The following TPP2 variants were observed in gnomAD, a reference collection of about 807,000 sequenced individuals.
TPP2 encodes the protein tripeptidyl peptidase 2, also known as tripeptidyl-peptidase 2.
In TPP2, 34 loss-of-function variants were observed where a neutral mutation model predicts 155.9. That is an observed-to-expected ratio of 0.22 (90% CI 0.17 to 0.29). The LOEUF is 0.29. Among genes scored for constraint, TPP2 ranks in the 10% least tolerant of loss-of-function variants. The pLI is 1.00. For synonymous variants in TPP2, 510 were observed against 529.4 expected (o/e 0.96, Z 0.50); for missense variants, 1,028 against 1,522.3 (o/e 0.68, Z 5.40).
chr13:102,638,169 G>C lies in TPP2; in HGVS notation c.1837-70G>C, dbSNP rs1283830129. 6 of 1,421,124 alleles carry C rather than the reference G, an allele frequency of 4.2e-6. No homozygotes were observed. In the Admixed American group the frequency reaches 1.0e-4, roughly 24 times the overall value. The allele number at this position is 1,421,124 out of a possible 1,614,324, so 88.0% of individuals were successfully genotyped here. A position where few individuals can be genotyped will look rare whatever the true frequency, so the allele number is the denominator to read the frequency against. ...AGTAGATTGATTTATTCTGTCAGTA[G>C]TTTAGACCTTCCCCCGCTCTTTTAA... On this transcript the variant is annotated intron_variant, in intron 14 of 29. Coordinates refer to ENST00000376052, the MANE Select transcript of TPP2 (RefSeq NM_001330588.2).
intron 5 of TPP2, among the ~76,000 whole-genome samples, chr13:102,621,620 A>G (rs183860766): frequency 6.6e-6 from 1 of 152,238 alleles, no homozygotes; most frequent in East Asian, 1.9e-4. Context: ...TGGAGTTTCA[A>G]TGTTAAGAGC....
At chr13:102,616,335 T>C in intron 3 of TPP2, 61 bp from the exon 4 acceptor site, 1 of 1,324,724 alleles carries the variant, frequency 7.5e-7, no homozygotes. Flanking sequence ...TATAAATGCC[T>C]GTCTAGGTTT....
chr13:102,666,221 A>G (rs927957729), intron 27 of TPP2, among the ~76,000 whole-genome samples: 2 of 152,256 alleles, frequency 1.3e-5, no homozygotes, highest in South Asian at 4.1e-4. Context: ...GACTTGGCCC[A>G]GGTGCCACTG....
At chr13:102,641,592 G>C (rs1327844691) in intron 16 of TPP2, among the ~76,000 whole-genome samples, 1 of 151,976 alleles carries the variant, frequency 6.6e-6, no homozygotes, top group African/African-American at 2.4e-5. Flanking sequence ...GGTTGTATTT[G>C]GTTCCCCATA....
At chr13:102,622,599 G>A (rs943593002) in intron 5 of TPP2, among the ~76,000 whole-genome samples, 9 of 152,216 alleles carry the variant, frequency 5.9e-5, no homozygotes, top group Non-Finnish European at 1.3e-4. Flanking sequence ...AGTTTTAGCT[G>A]TAATTCTTAA....
chr13:102,654,322 TTAAC>T (rs2139563820), intron 24 of TPP2, among the ~76,000 whole-genome samples: 1 of 152,290 alleles, frequency 6.6e-6, no homozygotes, highest in African/African-American at 2.4e-5. Context: ...TTTGATATAT[TTAAC>T]ATGTAAAATG....
intron 1 of TPP2, among the ~76,000 whole-genome samples, chr13:102,599,936 A>G (rs1359283049): frequency 2.0e-5 from 3 of 151,496 alleles, no homozygotes; most frequent in Non-Finnish European, 4.4e-5. Flanking sequence ...CCCTTCCACC[A>G]GTCTTGTTTC....
In TPP2 at chr13:102,597,008, T is replaced by G; in HGVS notation, c.-31T>G. 1 of 1,605,046 alleles carries G rather than the reference T, an allele frequency of 6.2e-7. No homozygotes were observed. The highest frequency in any genetic ancestry group is 8.5e-7 in the Non-Finnish European group (1 of 1,176,290). Reference sequence around the variant, plus strand: ...GCTAGTCCGCGCGCAGCCTGGCAGTTTGCCGCTTCCTCGTCCTCCATCCTG... The same window carrying G: ...GCTAGTCCGCGCGCAGCCTGGCAGTGTGCCGCTTCCTCGTCCTCCATCCTG... On this transcript the variant is annotated 5_prime_UTR_variant, in exon 1 of 30. Transcript: ENST00000376052.
intron 23 of TPP2, among the ~76,000 whole-genome samples, chr13:102,651,049 T>G (rs1883451570): frequency 6.6e-6 from 1 of 152,238 alleles, no homozygotes. Flanking sequence ...TTAATCAGAC[T>G]AGACCATCAA....
intron 6 of TPP2, among the ~76,000 whole-genome samples, chr13:102,623,458 G>T (rs1383765046): frequency 6.6e-6 from 1 of 152,178 alleles, no homozygotes; most frequent in East Asian, 1.9e-4. Context: ...AGCTACTCGG[G>T]AGGCTGAGGC....
chr13:102,654,015 A>G (rs1883680759), intron 24 of TPP2, among the ~76,000 whole-genome samples: 1 of 152,172 alleles, frequency 6.6e-6, no homozygotes, highest in South Asian at 2.1e-4. Flanking sequence ...TCTTCATAGC[A>G]TTTCTGCTCT....
intron 27 of TPP2, among the ~76,000 whole-genome samples, chr13:102,670,355 A>G (rs538256194): frequency 8.9e-4 from 135 of 152,318 alleles, no homozygotes; most frequent in African/African-American, 3.1e-3. Context: ...AGGACTTCCG[A>G]TGACATCACG....
Position 102,643,299 on chromosome 13 carries a change from G to T in TPP2, c.2098G>T (p.Ala700Ser). 6.2e-7 allele frequency: 1 copy of T among 1,613,332 alleles called. No homozygotes were observed. Among genetic ancestry groups the T allele is most frequent in the South Asian group, 1.1e-5 (1 of 90,976 alleles). Residue 700 changes from alanine to serine, a missense_variant, in exon 17 of 30, where the codon GCA becomes TCA. This residue lies in a region of TPP2 where 325 missense variants were observed against 463.7 expected (regional missense o/e 0.70). Transcript: ENST00000376052. ...TGCAGTCCAGCTTGTGAAGCAAAGA[G>T]CATATCGAAGCCATGAATTCTATAA... is the stretch of plus-strand genomic sequence containing the variant. ...LHAVQLVKQR[A>S]YRSHEFYKFC...
At chr13:102,619,313 C>G (rs1880978893) in intron 5 of TPP2, among the ~76,000 whole-genome samples, 1 of 151,854 alleles carries the variant, frequency 6.6e-6, no homozygotes, top group Non-Finnish European at 1.5e-5. Context: ...TTTTTAGTGC[C>G]TTATATACTG....
At chr13:102,635,940 G>A (rs61965651) in intron 12 of TPP2, among the ~76,000 whole-genome samples, 2,743 of 152,182 alleles carry the variant, frequency 0.018, 36 homozygotes, top group Middle Eastern at 0.037. Context: ...GAAATTCAAA[G>A]AAATCGAGGT....
intron 10 of TPP2, among the ~76,000 whole-genome samples, chr13:102,632,259 T>C (rs1882066961): frequency 6.6e-6 from 1 of 152,110 alleles, no homozygotes. Flanking sequence ...TTTTTTTCTT[T>C]CCTGAAACAG....
intron 25 of TPP2, among the ~76,000 whole-genome samples, chr13:102,662,862 C>T (rs954402503): frequency 5.9e-5 from 9 of 151,972 alleles, no homozygotes; most frequent in Admixed American, 2.0e-4. Context: ...GCCTCCGCGT[C>T]GGGGAACATA....
chr13:102,600,855 A>G (rs111518620), intron 1 of TPP2, among the ~76,000 whole-genome samples: 6 of 150,548 alleles, frequency 4.0e-5, no homozygotes, highest in African/African-American at 1.2e-4. Flanking sequence ...ATGTTTTTGT[A>G]TGCTTTCATA....
At chr13:102,623,935 G>T (rs1007138348) in intron 6 of TPP2, among the ~76,000 whole-genome samples, 1 of 152,094 alleles carries the variant, frequency 6.6e-6, no homozygotes, top group African/African-American at 2.4e-5. Flanking sequence ...TAGTATGTAA[G>T]TGCTATATAA....
Sources: gnomAD v4.1 joint callset for allele counts (sites outside exome capture counted in the v4.1 genomes callset) on GRCh38, gnomAD v4.1.1 for gene constraint, gnomAD v4.1.1 regional missense constraint, MANE v1.5 for transcripts, NCBI Gene and HGNC (gene_info 2026-07-23, HGNC 2026-07-21) for gene names.